Variants in HRH1 observed in about 807,000 individuals in gnomAD.
HRH1 encodes the protein histamine receptor H1.
A neutral mutation model predicts 10.3 loss-of-function variants in HRH1; 6 were observed. The observed-to-expected ratio is 0.58, with a 90% CI of 0.32 to 1.15. HRH1 has a LOEUF of 1.15. HRH1 is among the 50% of genes most tolerant of loss of function. The probability of loss-of-function intolerance (pLI) is 0.05; values close to 1 mark genes in which losing one functional copy is unlikely to be tolerated. For synonymous variants in HRH1, 242 were observed against 236.7 expected (o/e 1.02, Z -0.21); for missense variants, 514 against 615.3 (o/e 0.84, Z 1.74).
chr3:11,221,569 G>GTA (rs112706419), intron 1 of HRH1, among the ~76,000 whole-genome samples: 250 of 150,256 alleles, frequency 1.7e-3, no homozygotes, highest in African/African-American at 5.6e-3. Flanking sequence ...AAAAAAAAAT[G>GTA]TATATATATA....
chr3:11,199,618 C>T (rs1011244160), intron 1 of HRH1, among the ~76,000 whole-genome samples: 3 of 152,204 alleles, frequency 2.0e-5, no homozygotes, highest in African/African-American at 7.2e-5. Flanking sequence ...ATCTGTTCCC[C>T]TCCTAGGCAG....
At chr3:11,183,057 G>A (rs73016473) in intron 1 of HRH1, among the ~76,000 whole-genome samples, 4,478 of 152,118 alleles carry the variant, frequency 0.029, 73 homozygotes, top group Non-Finnish European at 0.044. Flanking sequence ...CACTCCTCCC[G>A]CCCCCTGGCC....
chr3:11,204,002 GC>G (rs1333613290), intron 1 of HRH1, among the ~76,000 whole-genome samples: 1 of 152,120 alleles, frequency 6.6e-6, no homozygotes, highest in East Asian at 1.9e-4. Flanking sequence ...CTACCTATAT[GC>G]CTGCTTCTAA....
chr3:11,241,784 C>T (rs1345613725), intron 1 of HRH1, among the ~76,000 whole-genome samples: 1 of 150,542 alleles, frequency 6.6e-6, no homozygotes, highest in Non-Finnish European at 1.5e-5. Flanking sequence ...TGCAGTGAGC[C>T]GAGATGGCGC....
chr3:11,166,366 T>C (rs73132411), intron 1 of HRH1, among the ~76,000 whole-genome samples: 7,295 of 152,282 alleles, frequency 0.048, 348 homozygotes, highest in African/African-American at 0.12. Context: ...TCTCCTCTAT[T>C]CTCCACTCCA....
chr3:11,230,609 G>T (rs117902273), intron 1 of HRH1, among the ~76,000 whole-genome samples: 1 of 152,124 alleles, frequency 6.6e-6, no homozygotes, highest in Admixed American at 6.6e-5. Context: ...AGAATCTCTG[G>T]CCCTACCTCA....
intron 1 of HRH1, among the ~76,000 whole-genome samples, chr3:11,158,791 ACT>A (rs201316059): frequency 0.011 from 1,655 of 152,206 alleles, 40 homozygotes; most frequent in African/African-American, 0.038. Context: ...ATCTTGTTAA[ACT>A]CTCTTACTAA....
rs539674598 is a variant in HRH1 at position 11,138,359 on chromosome 3, A to AC, written c.-36+960_-36+961insC. Among the ~76,000 whole-genome samples the AC allele has an allele frequency of 5.3e-3, 805 of 152,084 alleles. 12 individuals carry two copies. Among genetic ancestry groups the AC allele is most frequent in the African/African-American group, 0.019 (768 of 41,454 alleles). On this transcript the variant is annotated intron_variant, in intron 1 of 1. Coordinates refer to the HRH1 transcript ENST00000438284. Reference sequence around the variant, plus strand: ...TCTTACAACTCAACACACACACACAAAAAACAACCCAGCCAAAAAATGGGT... The same window carrying AC: ...TCTTACAACTCAACACACACACACAACAAAACAACCCAGCCAAAAAATGGGT...
intron 1 of HRH1, among the ~76,000 whole-genome samples, chr3:11,172,649 A>T (rs1274353857): frequency 6.6e-6 from 1 of 151,930 alleles, no homozygotes. Context: ...CCCAGCTGAG[A>T]AGGGAAAGAA....
Position 11,260,523 on chromosome 3 carries a change from A to T in HRH1, c.*22A>T. On this transcript the variant is annotated 3_prime_UTR_variant, in exon 2 of 2. Transcript: ENST00000431010. ...CTAAGGGAGGCTCTGAGGGGATGCA[A>T]CAAAATGATCCTTATGATGTCCAAC... 1.3e-6 allele frequency: 2 copies of T among 1,550,064 alleles called. No individual in the cohort carries two copies. The highest frequency in any genetic ancestry group is 1.7e-6 in the Non-Finnish European group (2 of 1,147,578).
At chr3:11,243,848 T>G (rs1939411017) in intron 1 of HRH1, among the ~76,000 whole-genome samples, 3 of 152,376 alleles carry the variant, frequency 2.0e-5, no homozygotes, top group South Asian at 4.1e-4. Context: ...CCTGCCTTGA[T>G]CTTATACCAG....
intron 1 of HRH1, among the ~76,000 whole-genome samples, chr3:11,227,059 T>C (rs936165684): frequency 6.6e-6 from 1 of 152,148 alleles, no homozygotes; most frequent in African/African-American, 2.4e-5. Flanking sequence ...ATTTGGCTTC[T>C]GTGTGAAAGA....
At chr3:11,169,138 A>G (rs1009745616) in intron 1 of HRH1, among the ~76,000 whole-genome samples, 2 of 152,186 alleles carry the variant, frequency 1.3e-5, no homozygotes, top group South Asian at 2.1e-4. Flanking sequence ...CTGACTGGCT[A>G]TGTGACTCGG....
intron 1 of HRH1, among the ~76,000 whole-genome samples, chr3:11,201,249 A>G (rs1177991774): frequency 2.6e-5 from 4 of 152,236 alleles, no homozygotes; most frequent in African/African-American, 9.6e-5. Context: ...AGGGGCTGAC[A>G]GAGGCAAGCC....
intron 1 of HRH1, among the ~76,000 whole-genome samples, chr3:11,193,779 G>C (rs144837334): frequency 1.1e-4 from 17 of 152,214 alleles, no homozygotes; most frequent in Admixed American, 5.9e-4. Flanking sequence ...GGTGGGAAGG[G>C]TGAGGAGTCT....
At chr3:11,164,333 G>A (rs1027241682) in intron 1 of HRH1, among the ~76,000 whole-genome samples, 1 of 152,142 alleles carries the variant, frequency 6.6e-6, no homozygotes, top group Non-Finnish European at 1.5e-5. Context: ...TGATGGGGTG[G>A]GCGTGAAGAA....
intron 1 of HRH1, among the ~76,000 whole-genome samples, chr3:11,189,475 C>T (rs910509620): frequency 6.6e-6 from 1 of 152,170 alleles, no homozygotes; most frequent in Non-Finnish European, 1.5e-5. Context: ...AGTATTATAA[C>T]GAGATCCTTG....
intron 1 of HRH1, among the ~76,000 whole-genome samples, chr3:11,216,903 G>C (rs1938518353): frequency 6.7e-6 from 1 of 149,146 alleles, no homozygotes; most frequent in African/African-American, 2.5e-5. Flanking sequence ...CAAAAAACAG[G>C]CCGGGTGTGG....
chr3:11,138,808 G>A (rs915772914), intron 1 of HRH1, among the ~76,000 whole-genome samples: 3 of 150,450 alleles, frequency 2.0e-5, no homozygotes, highest in Non-Finnish European at 3.0e-5. Flanking sequence ...CCAAGTAGCT[G>A]GGACTACAAG....
Sources: gnomAD v4.1 joint callset for allele counts (sites outside exome capture counted in the v4.1 genomes callset) on GRCh38, gnomAD v4.1.1 for gene constraint, MANE v1.5 for transcripts, NCBI Gene and HGNC (gene_info 2026-07-23, HGNC 2026-07-21) for gene names.